MPHOSPH9: variants seen among roughly 807,000 people sequenced by gnomAD.
MPHOSPH9 encodes M-phase phosphoprotein 9.
MPHOSPH9 carries 88 observed loss-of-function variants against 145.5 expected under a neutral mutation model. That is an observed-to-expected ratio of 0.60 (90% CI 0.51 to 0.72). The LOEUF (loss-of-function observed/expected upper bound fraction) is 0.72. MPHOSPH9 is among the 30% of genes least tolerant of loss of function. MPHOSPH9 has a pLI of 0.00. For synonymous variants in MPHOSPH9, 435 were observed against 486.2 expected, an observed-to-expected ratio of 0.89 and a Z score of 1.39; for missense variants, 1,238 against 1,386.6, an observed-to-expected ratio of 0.89 and a Z score of 1.70.
chr12:123,179,763 G>A (rs2045046062), intron 15 of MPHOSPH9, among the ~76,000 whole-genome samples, 163 bp downstream of exon 15: 1 of 149,506 alleles, frequency 6.7e-6, no homozygotes, highest in African/African-American at 2.4e-5. Flanking sequence ...AATCTTGTTT[G>A]GCTAAAATGA....
intron 3 of MPHOSPH9, among the ~76,000 whole-genome samples, chr12:123,226,564 G>A (rs527893194): frequency 6.6e-6 from 1 of 150,960 alleles, no homozygotes; most frequent in Non-Finnish European, 1.5e-5. Context: ...TGTTGCCCAA[G>A]CAGGTCACAA....
chr12:123,161,088 A>G (rs2044086091), intron 22 of MPHOSPH9, 48 bp downstream of exon 22: 1 of 1,594,618 alleles, frequency 6.3e-7, no homozygotes, highest in South Asian at 1.1e-5. Flanking sequence ...CTTAGACATA[A>G]GCATTAAGTT....
intron 16 of MPHOSPH9, among the ~76,000 whole-genome samples, chr12:123,169,486 G>A (rs1218695505): frequency 2.0e-5 from 3 of 149,960 alleles, no homozygotes; most frequent in Admixed American, 6.6e-5. Context: ...GCAACAGAGC[G>A]AGACTCCGTC....
chr12:123,239,835 C>A (rs1257400450), intron 1 of MPHOSPH9, among the ~76,000 whole-genome samples: 2 of 152,112 alleles, frequency 1.3e-5, no homozygotes, highest in Non-Finnish European at 2.9e-5. Context: ...TCTCTGCTAG[C>A]TCAAATCAGT....
At chr12:123,209,723 T>C in intron 8 of MPHOSPH9, among the ~76,000 whole-genome samples, 1 of 144,754 alleles carries the variant, frequency 6.9e-6, no homozygotes, top group Non-Finnish European at 1.5e-5. Flanking sequence ...ACGGTGTGTG[T>C]GTTTTGTTTT....
At position 123,159,804 on chromosome 12, in the gene MPHOSPH9, T is replaced by C. The variant is rs1036624596; in HGVS notation, c.3450+977A>G. The C allele has an allele frequency of 3.9e-5, 6 of 152,218 alleles. No homozygotes were observed. Among genetic ancestry groups the C allele is most frequent in the Admixed American group, 1.3e-4 (2 of 15,286 alleles). The allele number at this position is 152,218 out of a possible 1,614,324, so 9.4% of individuals were successfully genotyped here. ...ATACGTTACTGCTGATGGAATATTG[T>C]ACGTTAATTTAAAAGGATGTTATAG... On this transcript the variant is annotated intron_variant, in intron 23 of 23. Transcript: ENST00000606320. The surrounding 1 kb of genome is among the most constrained non-coding windows in gnomAD (Gnocchi z 4.3).
intron 12 of MPHOSPH9, among the ~76,000 whole-genome samples, chr12:123,197,581 A>G (rs2046020198): frequency 6.6e-6 from 1 of 151,940 alleles, no homozygotes; most frequent in Non-Finnish European, 1.5e-5. Context: ...CAGGCATTAC[A>G]AACCAGCCTG....
chr12:123,218,928 T>C (rs567362468), intron 5 of MPHOSPH9, among the ~76,000 whole-genome samples: 1 of 144,652 alleles, frequency 6.9e-6, no homozygotes, highest in East Asian at 1.9e-4. Context: ...TTAGAGACCC[T>C]CTCTGTCACC....
chr12:123,214,958 G>A, intron 6 of MPHOSPH9, 124 bp from the exon 7 acceptor site: 3 of 771,800 alleles, frequency 3.9e-6, no homozygotes, highest in Non-Finnish European at 6.5e-6. Context: ...AAAGAAGAAA[G>A]CCTGGCCAGG....
At position 123,218,389 on chromosome 12, in the gene MPHOSPH9, G is replaced by A. The variant is rs142795599; in HGVS notation, c.983C>T (p.Thr328Ile). 9 of 1,614,032 alleles carry A rather than the reference G, an allele frequency of 5.6e-6. No individual in the cohort carries two copies. In the East Asian group the frequency reaches 1.8e-4, roughly 32 times the overall value. The change falls in exon 6 of 24, where the codon ACA (threonine) becomes ATA (isoleucine). Residue 328 changes from threonine (T) to isoleucine (I), a missense_variant. Physicochemically the swap from Thr to Ile is moderately conservative, Grantham distance 89. Coordinates refer to ENST00000606320, the MANE Select transcript of MPHOSPH9 (RefSeq NM_022782.4). ...CTAGTCACCTACTTTCTCAATTGGT[G>A]TCTTCTTACTTTGCTCATTTCCTTG... ...SKQGNEQSKKTPIEKSDFAAA... is the reference protein window; with the variant it reads ...SKQGNEQSKKIPIEKSDFAAA...
chr12:123,215,808 T>C (rs531543387), intron 6 of MPHOSPH9, among the ~76,000 whole-genome samples: 22 of 152,218 alleles, frequency 1.4e-4, no homozygotes, highest in Non-Finnish European at 2.4e-4. Context: ...CATGAACCCA[T>C]TGCCAAAGTA....
At chr12:123,190,687 A>G (rs374841718) in intron 13 of MPHOSPH9, among the ~76,000 whole-genome samples, 1 of 152,214 alleles carries the variant, frequency 6.6e-6, no homozygotes, top group African/African-American at 2.4e-5. Context: ...CACATAAAAC[A>G]TTACTAAATA....
intron 8 of MPHOSPH9, among the ~76,000 whole-genome samples, chr12:123,208,298 GGA>G (rs2046536433): frequency 6.6e-6 from 1 of 151,814 alleles, no homozygotes; most frequent in Non-Finnish European, 1.5e-5. Flanking sequence ...CCAGCACTTG[GGA>G]GGCCAAGGCA....
At chr12:123,230,760 T>C (rs1007974148) in intron 1 of MPHOSPH9, among the ~76,000 whole-genome samples, 1 of 152,138 alleles carries the variant, frequency 6.6e-6, no homozygotes, top group African/African-American at 2.4e-5. Flanking sequence ...AGACACATGC[T>C]ACAACATACA....
chr12:123,243,284 A>G (rs939101133), intron 1 of MPHOSPH9, among the ~76,000 whole-genome samples: 20 of 150,616 alleles, frequency 1.3e-4, no homozygotes, highest in Non-Finnish European at 3.0e-5. Flanking sequence ...TAATCCCAGC[A>G]CTTTGGGAGG....
intron 6 of MPHOSPH9, among the ~76,000 whole-genome samples, chr12:123,216,085 A>G (rs1227788840): frequency 1.3e-5 from 2 of 152,010 alleles, no homozygotes; most frequent in Admixed American, 1.3e-4. Flanking sequence ...AAAATACAAA[A>G]AATTAGCCGG....
intron 7 of MPHOSPH9, among the ~76,000 whole-genome samples, chr12:123,210,977 CTTTTTTTTTTTT>C (rs907442708): frequency 3.3e-5 from 3 of 89,766 alleles, no homozygotes; most frequent in African/African-American, 1.1e-4. Flanking sequence ...TTTGTTTTTT[CTTTTTTTTTTTT>C]TTTTTTTTTT....
intron 12 of MPHOSPH9, among the ~76,000 whole-genome samples, chr12:123,196,515 TAAA>T (rs1214531940): frequency 2.0e-5 from 3 of 152,046 alleles, no homozygotes; most frequent in African/African-American, 7.2e-5. Flanking sequence ...TTTTGACCCT[TAAA>T]AAGATTGCCT....
chr12:123,208,751 T>C lies in MPHOSPH9; in HGVS notation c.1194+1305A>G, dbSNP rs539564491. 1.6e-4 allele frequency among the ~76,000 whole-genome samples: 24 copies of C among 151,898 alleles called. No homozygotes were observed. The East Asian group carries it at 2.5e-3, about 16-fold the overall frequency. On this transcript the variant is annotated intron_variant, in intron 8 of 23. Transcript: ENST00000606320. ...AAAACACTAACCAGCATTTTTTTTT[T>C]CCCTTTTTGAGACAGGGTCTCACTC... is the stretch of plus-strand genomic sequence containing the variant.
Sources: gnomAD v4.1 joint callset for allele counts (sites outside exome capture counted in the v4.1 genomes callset) on GRCh38, gnomAD v4.1.1 for gene constraint, Gnocchi (gnomAD v3.1) non-coding constraint, MANE v1.5 for transcripts, NCBI Gene and HGNC (gene_info 2026-07-23, HGNC 2026-07-21) for gene names.